The following SOS2 variants were observed in gnomAD, a reference collection of about 807,000 sequenced individuals.
SOS2 encodes the protein SOS Ras/Rho guanine nucleotide exchange factor 2.
SOS2 carries 65 observed loss-of-function variants against 148.2 expected under a neutral mutation model. The observed-to-expected ratio is 0.44, with a 90% CI of 0.36 to 0.54. SOS2 has a LOEUF of 0.54. Among genes scored for constraint, SOS2 ranks in the 20% least tolerant of loss-of-function variants. SOS2 has a pLI of 0.00. For missense variants in SOS2, 1,341 were observed against 1,590.2 expected, an observed-to-expected ratio of 0.84 and a Z score of 2.67; for synonymous variants, 539 against 537.1, an observed-to-expected ratio of 1.00 and a Z score of -0.05.
At chr14:50,203,801 G>GCT (rs1365287918) in intron 2 of SOS2, among the ~76,000 whole-genome samples, 1 of 135,780 alleles carries the variant, frequency 7.4e-6, no homozygotes, top group Admixed American at 7.3e-5. Context: ...TTTTTTTTTT[G>GCT]TTTTTTTTTT....
At chr14:50,204,545 C>T in intron 1 of SOS2, 136 bp from the exon 2 acceptor site, 1 of 585,088 alleles carries the variant, frequency 1.7e-6, no homozygotes, top group South Asian at 2.6e-5. Context: ...AAGAAAAAAA[C>T]TATTTGTTGG....
chr14:50,165,807 T>C (rs1223996362), intron 8 of SOS2, among the ~76,000 whole-genome samples: 1 of 152,168 alleles, frequency 6.6e-6, no homozygotes, highest in Non-Finnish European at 1.5e-5. Flanking sequence ...CGCTCTTTTA[T>C]GCATTAGCTT....
At chr14:50,201,903 C>T (rs973683575) in intron 2 of SOS2, among the ~76,000 whole-genome samples, 6 of 152,134 alleles carry the variant, frequency 3.9e-5, no homozygotes, top group Non-Finnish European at 8.8e-5. Context: ...TATGAAAATA[C>T]GTACCTTGAC....
At chr14:50,223,162 T>C (rs192482424) in intron 1 of SOS2, among the ~76,000 whole-genome samples, 1 of 152,356 alleles carries the variant, frequency 6.6e-6, no homozygotes, top group East Asian at 1.9e-4. Flanking sequence ...TTTATTGATA[T>C]GTTAACCACT....
chr14:50,119,810 T>G (rs1883438797), intron 22 of SOS2, among the ~76,000 whole-genome samples: 1 of 145,168 alleles, frequency 6.9e-6, no homozygotes, highest in Non-Finnish European at 1.5e-5. Flanking sequence ...AGCCTTTTTT[T>G]TTTTTTTTTT....
Position 50,158,584 on chromosome 14 carries a change from G to C in SOS2, c.1915C>G (p.Leu639Val), listed in dbSNP as rs1884893031. ...YRSFCKPQEL[L>V]SLLIERFEIP... ...TCTTACCGTTCAATCAGTAAGCTCA[G>C]CAATTCCTGTGGTTTACAAAATGAA... Residue 639 changes from leucine to valine, a missense_variant, in exon 11 of 23, where the codon CTG (leucine) becomes GTG (valine). Physicochemically the swap from Leu to Val is conservative, Grantham distance 32 (BLOSUM62 1). Transcript: ENST00000216373. The C allele has an allele frequency of 2.5e-6, 4 of 1,601,346 alleles. No individual in the cohort carries two copies. The highest frequency in any genetic ancestry group is 2.6e-6 in the Non-Finnish European group (3 of 1,171,932).
chr14:50,189,331 C>CAAAAAAAACAAAAAAAAAA (rs1886040481), intron 4 of SOS2, among the ~76,000 whole-genome samples: 1 of 31,486 alleles, frequency 3.2e-5, no homozygotes, highest in Non-Finnish European at 6.6e-5. Context: ...CACATAATAG[C>CAAAAAAAACAAAAAAAAAA]AAAAAAAAAA....
At chr14:50,120,924 G>C (rs967380498) in intron 21 of SOS2, among the ~76,000 whole-genome samples, 1 of 151,986 alleles carries the variant, frequency 6.6e-6, no homozygotes, top group Non-Finnish European at 1.5e-5. Flanking sequence ...ATTTTTAGTA[G>C]AGACAGGGTT....
chr14:50,149,868 G>A, intron 14 of SOS2, 140 bp downstream of exon 14: 3 of 644,370 alleles, frequency 4.7e-6, no homozygotes, highest in Non-Finnish European at 8.2e-6. Flanking sequence ...GTTAAAAACT[G>A]TGCTATGACC....
In SOS2 at chr14:50,135,089, A is replaced by AAAAG. The variant is rs536084984; in HGVS notation, c.2959-854_2959-851dup. On this transcript the variant is annotated intron_variant, in intron 18 of 22. Transcript: ENST00000216373. ...ACTGTCTCAAAAAAAAAAAAAAAAA[A>AAAAG]AAAGAAAGAAAGAAAGAAAGAAAGA... Among the ~76,000 whole-genome samples the AAAAG allele has an allele frequency of 7.7e-3, 1,011 of 131,398 alleles. 16 individuals are homozygous for AAAAG. The highest frequency in any genetic ancestry group is 0.02 in the African/African-American group (697 of 34,124). 86.2% of individuals were successfully genotyped at this position (131,398 alleles called of 152,430 possible). A position where few individuals can be genotyped will look rare whatever the true frequency, so the allele number is the denominator to read the frequency against.
At chr14:50,161,438 C>G (rs762460097) in intron 9 of SOS2, 44 bp downstream of exon 9, 4 of 1,534,480 alleles carry the variant, frequency 2.6e-6, no homozygotes, top group African/African-American at 1.4e-5. Context: ...TCAGAGACAG[C>G]GAAGTAAGCA....
chr14:50,220,769 G>A (rs536320398), intron 1 of SOS2, among the ~76,000 whole-genome samples: 4 of 152,216 alleles, frequency 2.6e-5, no homozygotes, highest in African/African-American at 9.6e-5. Flanking sequence ...TTAATATTAG[G>A]TGAGAGCTTA....
chr14:50,199,318 CCT>C (rs1306799298), intron 4 of SOS2, among the ~76,000 whole-genome samples: 2 of 152,144 alleles, frequency 1.3e-5, no homozygotes, highest in Non-Finnish European at 2.9e-5. Context: ...TTTTCTCTCC[CCT>C]GTGCCTCACT....
At position 50,206,286 on chromosome 14, in the gene SOS2, G is replaced by A. The variant is rs117928778; in HGVS notation, c.88-1877C>T. ...GTAAAAACACACATATTTTCATATGGAATATTTTTGTAATCATCCAGTTCA... is the reference window on the plus strand; with the variant it reads ...GTAAAAACACACATATTTTCATATGAAATATTTTTGTAATCATCCAGTTCA... On this transcript the variant is annotated intron_variant, in intron 1 of 22. Transcript: ENST00000216373. Among the ~76,000 whole-genome samples, 60 of 152,082 alleles carry A rather than the reference G, an allele frequency of 3.9e-4. 1 individual carries two copies. In the East Asian group the frequency reaches 0.011, roughly 29 times the overall value.
intron 1 of SOS2, among the ~76,000 whole-genome samples, chr14:50,209,095 G>A (rs1394730177): frequency 6.6e-6 from 1 of 152,070 alleles, no homozygotes; most frequent in Non-Finnish European, 1.5e-5. Flanking sequence ...CTGGGACACC[G>A]GTCTTCTGCC....
In SOS2 at chr14:50,231,384, C is replaced by T; in HGVS notation, c.-101G>A. The T allele has an allele frequency of 3.5e-6, 1 of 289,718 alleles. No individual in the cohort carries two copies. The highest frequency in any genetic ancestry group is 5.2e-6 in the Non-Finnish European group (1 of 193,264). 17.9% of individuals were successfully genotyped at this position (289,718 alleles called of 1,614,324 possible). Reference sequence around the variant, plus strand: ...CGCCTCGCCTCGCCGGCGGCCGCCGCCTCCCGCCCGGGCCGAGGCTACGGC... The same window carrying T: ...CGCCTCGCCTCGCCGGCGGCCGCCGTCTCCCGCCCGGGCCGAGGCTACGGC... On this transcript the variant is annotated 5_prime_UTR_variant, in exon 1 of 23. Coordinates refer to ENST00000216373, the MANE Select transcript of SOS2 (RefSeq NM_006939.4).
At chr14:50,139,034 C>CT (rs1884177621) in intron 17 of SOS2, among the ~76,000 whole-genome samples, 1 of 152,016 alleles carries the variant, frequency 6.6e-6, no homozygotes. Context: ...GGCTGCTAAT[C>CT]TAAGAAATGG....
At position 50,149,894 on chromosome 14, in the gene SOS2, T is replaced by TGAG. The variant is rs111800814; in HGVS notation, c.2384+111_2384+113dup. The TGAG allele has an allele frequency of 2.8e-3, 2,135 of 749,468 alleles. 24 individuals are homozygous for TGAG. In the African/African-American group the frequency reaches 0.032, roughly 11 times the overall value. 46.4% of individuals were successfully genotyped at this position (749,468 alleles called of 1,614,324 possible). A position where few individuals can be genotyped will look rare whatever the true frequency, so the allele number is the denominator to read the frequency against. On this transcript the variant is annotated intron_variant, in intron 14 of 22. Transcript: ENST00000216373. ...TGCTATGACCTTTCCTCTAAGCCCA[T>TGAG]GAGAGTAGATGAGGTATTTTTAAGC...
intron 1 of SOS2, among the ~76,000 whole-genome samples, chr14:50,223,457 G>A (rs768552958): frequency 6.6e-6 from 1 of 151,796 alleles, no homozygotes; most frequent in Admixed American, 6.6e-5. Context: ...GGCAGGTGAC[G>A]AGGTCAACAG....
Sources: gnomAD v4.1 joint callset for allele counts (sites outside exome capture counted in the v4.1 genomes callset) on GRCh38, gnomAD v4.1.1 for gene constraint, MANE v1.5 for transcripts, NCBI Gene and HGNC (gene_info 2026-07-23, HGNC 2026-07-21) for gene names.